The following ASB9 variants were observed in gnomAD, a reference collection of about 807,000 sequenced individuals.
ASB9 encodes the protein ankyrin repeat and SOCS box protein 9.
In ASB9, 5 loss-of-function variants were observed where a neutral mutation model predicts 16.6. The ratio of observed to expected loss-of-function variants is 0.30; its 90% CI spans 0.16 to 0.63. The LOEUF (loss-of-function observed/expected upper bound fraction) is 0.63, where lower values mean the gene tolerates loss of function less well. Among genes scored for constraint, ASB9 ranks in the 30% least tolerant of loss-of-function variants. The pLI, the probability that ASB9 is intolerant of heterozygous loss-of-function variation, is 0.82. For missense variants in ASB9, 216 were observed against 229.4 expected (o/e 0.94, Z 0.38); for synonymous variants, 100 against 86.4 (o/e 1.16, Z -0.87).
Position 15,252,296 on chromosome X carries a change from C to G in ASB9, c.391G>C (p.Glu131Gln), listed in dbSNP as rs1237579558. The G allele has an allele frequency of 1.7e-6, 2 of 1,209,646 alleles. No individual in the cohort carries two copies. Among genetic ancestry groups the G allele is most frequent in the Non-Finnish European group, 2.2e-6 (2 of 895,108 alleles). ...LLQHGASVQP[E>Q]SDLASPIHEA... is the part of the protein sequence containing the mutation. ...TGGATGGGGGATGCCAGATCACTCT[C>G]AGGTTGAACGCTGGCTCCGTGCTGC... Residue 131 changes from glutamate to glutamine, a missense_variant, in exon 4 of 7, where the codon GAG becomes CAG. Glu to Gln is a conservative substitution (Grantham distance 29). Coordinates refer to ENST00000380488, the MANE Select transcript of ASB9 (RefSeq NM_001031739.3).
intron 6 of ASB9, among the ~76,000 whole-genome samples, chrX:15,246,979 A>G (rs1164055711): frequency 1.8e-5 from 2 of 111,482 alleles, no homozygotes; most frequent in African/African-American, 6.5e-5. Flanking sequence ...CCTAACACCC[A>G]CGCAAAGCCC....
intron 1 of ASB9, among the ~76,000 whole-genome samples, chrX:15,268,334 A>AAAAAACAAAACAAAAC (rs780309846): frequency 9.6e-6 from 1 of 104,291 alleles, no homozygotes; most frequent in Non-Finnish European, 2.0e-5. Context: ...TCCGTCTCAA[A>AAAAAACAAAACAAAAC]AAAACAAAAC....
At chrX:15,254,023 C>T (rs1232537415) in intron 3 of ASB9, among the ~76,000 whole-genome samples, 2 of 111,726 alleles carry the variant, frequency 1.8e-5, no homozygotes, top group Non-Finnish European at 3.8e-5. Context: ...CACCTTGACA[C>T]GTTCCCTGTT....
intron 4 of ASB9, among the ~76,000 whole-genome samples, chrX:15,251,311 G>A (rs958181515): frequency 9.9e-5 from 11 of 111,623 alleles, no homozygotes; most frequent in Admixed American, 5.7e-4. Flanking sequence ...GGCAGGCCCG[G>A]GAGGAACAGG....
At chrX:15,249,075 A>G (rs1182895837) in intron 5 of ASB9, 140 bp from the exon 6 acceptor site, 1 of 556,643 alleles carries the variant, frequency 1.8e-6, no homozygotes, top group African/African-American at 2.4e-5. Context: ...ATGGGAGATG[A>G]TGTGATTCCA....
At chrX:15,244,691 TTA>T in intron 6 of ASB9, 61 bp from the exon 7 acceptor site, 5 of 986,160 alleles carry the variant, frequency 5.1e-6, no homozygotes, top group Non-Finnish European at 6.7e-6. Flanking sequence ...CTCCTTTTTT[TTA>T]AAAAAAAAAA....
At chrX:15,266,732 T>C (rs750083100) in intron 1 of ASB9, among the ~76,000 whole-genome samples, 11 of 109,899 alleles carry the variant, frequency 1.0e-4, no homozygotes, top group South Asian at 3.9e-4. Context: ...GTCAGGAGAT[T>C]GAGACCATCC....
intron 5 of ASB9, 110 bp downstream of exon 5, chrX:15,250,320 T>A: frequency 1.1e-6 from 1 of 897,232 alleles, no homozygotes; most frequent in Non-Finnish European, 1.5e-6. Context: ...CCTGACCTTG[T>A]CCAACTCCAT....
At chrX:15,256,803 A>G (rs2147645355) in intron 2 of ASB9, among the ~76,000 whole-genome samples, 1 of 107,350 alleles carries the variant, frequency 9.3e-6, no homozygotes, top group South Asian at 4.2e-4. Context: ...AAGAAAGAAA[A>G]AAATGTGCCA....
intron 1 of ASB9, among the ~76,000 whole-genome samples, chrX:15,261,683 G>C (rs1009368435): frequency 4.4e-5 from 5 of 112,627 alleles, no homozygotes; most frequent in Non-Finnish European, 7.5e-5. Flanking sequence ...TTACAGAGCA[G>C]AGACAGCTTG....
chrX:15,262,818 G>A lies in ASB9; in HGVS notation c.95-3873C>T, dbSNP rs372669547. On this transcript the variant is annotated intron_variant, in intron 1 of 6. Transcript: ENST00000380488. Reference sequence around the variant, plus strand: ...AGTTAATTTTTGTAACTTTAGTAGAGACAGGATTTCACCATGTTGGCCAGG... The same window carrying A: ...AGTTAATTTTTGTAACTTTAGTAGAAACAGGATTTCACCATGTTGGCCAGG... Among the ~76,000 whole-genome samples the A allele has an allele frequency of 1.3e-4, 15 of 111,742 alleles. No homozygotes were observed. The East Asian group carries it at 2.2e-3, about 17-fold the overall frequency.
chrX:15,264,173 T>G (rs952460928), intron 1 of ASB9, among the ~76,000 whole-genome samples: 1 of 111,136 alleles, frequency 9.0e-6, no homozygotes. Context: ...TGGCCATCAG[T>G]CCTTGGTGTT....
At chrX:15,266,333 C>T (rs768223583) in intron 1 of ASB9, among the ~76,000 whole-genome samples, 13 of 112,109 alleles carry the variant, frequency 1.2e-4, no homozygotes, top group Non-Finnish European at 2.4e-4. Flanking sequence ...CCATCTCCCA[C>T]GATTCCAACA....
At chrX:15,264,134 C>T (rs1484615318) in intron 1 of ASB9, among the ~76,000 whole-genome samples, 1 of 111,444 alleles carries the variant, frequency 9.0e-6, no homozygotes, top group African/African-American at 3.3e-5. Flanking sequence ...AGGGAAAAAT[C>T]CTTCCTTGCC....
At position 15,254,984 on chromosome X, in the gene ASB9, T is replaced by A. The variant is rs761942534; in HGVS notation, c.175-140A>T. On this transcript the variant is annotated intron_variant, in intron 2 of 6. Transcript: ENST00000380488. ...TACACTAAGGTGTTTATATTGACTT[T>A]AAAAAAAAAAAAATGCCACACTACT... 2.1e-3 allele frequency: 749 copies of A among 359,982 alleles called. 2 individuals are homozygous for A. Among genetic ancestry groups the A allele is most frequent in the East Asian group, 0.02 (438 of 22,229 alleles). 29.7% of individuals were successfully genotyped at this position (359,982 alleles called of 1,213,427 possible).
chrX:15,263,018 G>A lies in ASB9; in HGVS notation c.95-4073C>T, dbSNP rs1022456961. On this transcript the variant is annotated intron_variant, in intron 1 of 6. Transcript: ENST00000380488. ...CAAGAACTTATCTTTCTTTTAAATT[G>A]TACCCTCATCAAACCTGGAGCACAT... Among the ~76,000 whole-genome samples, 11 of 112,089 alleles carry A rather than the reference G, an allele frequency of 9.8e-5. No individual in the cohort carries two copies. In the East Asian group the frequency reaches 2.8e-3, roughly 28 times the overall value.
intron 1 of ASB9, among the ~76,000 whole-genome samples, chrX:15,265,276 C>A (rs1368997139): frequency 3.6e-5 from 4 of 111,965 alleles, no homozygotes; most frequent in Non-Finnish European, 7.5e-5. Flanking sequence ...ATGTCCAAAA[C>A]AGAACTCTGT....
At chrX:15,250,371 A>G in intron 5 of ASB9, 59 bp downstream of exon 5, 1 of 1,155,072 alleles carries the variant, frequency 8.7e-7, no homozygotes, top group Non-Finnish European at 1.2e-6. Context: ...AAGATGTTTA[A>G]AATACATTTA....
At chrX:15,249,051 G>A in intron 5 of ASB9, 116 bp from the exon 6 acceptor site, 2 of 726,833 alleles carry the variant, frequency 2.8e-6, no homozygotes, top group Admixed American at 4.5e-5. Flanking sequence ...ATTGAGCACA[G>A]CAATCCTGGA....
Sources: allele counts gnomAD v4.1 joint callset (sites outside exome capture counted in the v4.1 genomes callset), GRCh38; gene constraint gnomAD v4.1.1; transcripts MANE v1.5; gene names NCBI Gene and HGNC (gene_info 2026-07-23, HGNC 2026-07-21).